MEIS1: variants seen among roughly 807,000 people sequenced by gnomAD.
MEIS1 encodes Meis homeobox 1.
MEIS1 carries 5 observed loss-of-function variants against 50.8 expected under a neutral mutation model. The ratio of observed to expected loss-of-function variants is 0.10; its 90% CI spans 0.05 to 0.21. The LOEUF (loss-of-function observed/expected upper bound fraction) is 0.21, where lower values mean the gene tolerates loss of function less well. MEIS1 is among the 10% of genes least tolerant of loss of function. The pLI is 1.00. For synonymous variants in MEIS1, 176 were observed against 179.3 expected (o/e 0.98, Z 0.15); for missense variants, 318 against 517.3 (o/e 0.61, Z 3.74).
chr2:66,461,660 C>A, intron 6 of MEIS1: 1 of 309,936 alleles, frequency 3.2e-6, no homozygotes, highest in Non-Finnish European at 6.6e-6. Context: ...ATATAGGTTG[C>A]ACAAAATTTG....
rs768651106 is a variant in MEIS1 at position 66,571,712 on chromosome 2, T to C, written c.*504T>C. 5.6e-5 allele frequency: 35 copies of C among 621,442 alleles called. No homozygotes were observed. The highest frequency in any genetic ancestry group is 9.1e-5 in the Non-Finnish European group (33 of 360,848). The allele number at this position is 621,442 out of a possible 1,614,324, so 38.5% of individuals were successfully genotyped here. Reference sequence around the variant, plus strand: ...CAATTTGGGGGACATGCTAAATAACTATATAAGACATTAAGAGAACAAAGA... The same window carrying C: ...CAATTTGGGGGACATGCTAAATAACCATATAAGACATTAAGAGAACAAAGA... On this transcript the variant is annotated 3_prime_UTR_variant, in exon 13 of 13. Transcript: ENST00000272369.
chr2:66,479,975 G>A (rs1672980112), intron 7 of MEIS1, among the ~76,000 whole-genome samples: 1 of 152,184 alleles, frequency 6.6e-6, no homozygotes, highest in Non-Finnish European at 1.5e-5. Flanking sequence ...GCATAGTGTA[G>A]TGATGGCTGA....
chr2:66,440,013 A>G, intron 3 of MEIS1, 29 bp downstream of exon 3: 1 of 1,572,648 alleles, frequency 6.4e-7, no homozygotes, highest in Non-Finnish European at 8.6e-7. Flanking sequence ...AAAAAGTAAA[A>G]GAAACAAAAA....
chr2:66,475,220 A>G (rs1188766557), intron 7 of MEIS1, among the ~76,000 whole-genome samples: 1 of 118,792 alleles, frequency 8.4e-6, no homozygotes, highest in Non-Finnish European at 1.6e-5. Flanking sequence ...ATAAATATGT[A>G]TATTTATAAA....
At chr2:66,528,796 T>C (rs1465290592) in intron 8 of MEIS1, among the ~76,000 whole-genome samples, 1 of 152,194 alleles carries the variant, frequency 6.6e-6, no homozygotes, top group Non-Finnish European at 1.5e-5. Flanking sequence ...CTTAAAATCC[T>C]TTGATATCTC....
At chr2:66,555,263 T>TCC (rs1254138441) in intron 9 of MEIS1, among the ~76,000 whole-genome samples, 14 of 27,522 alleles carry the variant, frequency 5.1e-4, no homozygotes. Context: ...GTTCTCTCTC[T>TCC]CTCTCTCTCT....
chr2:66,452,945 G>A (rs1360192508), intron 6 of MEIS1, among the ~76,000 whole-genome samples: 1 of 151,936 alleles, frequency 6.6e-6, no homozygotes, highest in Non-Finnish European at 1.5e-5. Context: ...TGTATTGCTA[G>A]TGTTCAATTT....
chr2:66,542,789 G>A (rs1174398863), intron 8 of MEIS1, among the ~76,000 whole-genome samples: 2 of 152,108 alleles, frequency 1.3e-5, no homozygotes, highest in Non-Finnish European at 2.9e-5. Context: ...GGATGTTATT[G>A]AAACTTGGTT....
At chr2:66,550,390 G>A (rs1300711885) in intron 9 of MEIS1, among the ~76,000 whole-genome samples, 1 of 152,128 alleles carries the variant, frequency 6.6e-6, no homozygotes, top group African/African-American at 2.4e-5. Flanking sequence ...TTTTTCTTTA[G>A]TTTGACAAAT....
intron 6 of MEIS1, among the ~76,000 whole-genome samples, chr2:66,451,070 A>G (rs977608514): frequency 2.0e-5 from 3 of 152,080 alleles, no homozygotes; most frequent in African/African-American, 7.2e-5. Flanking sequence ...TACTCACTTC[A>G]AAACAGGAAT....
At chr2:66,461,899 T>C in intron 6 of MEIS1, 1 of 470,642 alleles carries the variant, frequency 2.1e-6, no homozygotes, top group Non-Finnish European at 4.4e-6. Context: ...TAGGCACAGA[T>C]CACAAACACT....
chr2:66,517,189 G>A (rs1427100254), intron 8 of MEIS1, among the ~76,000 whole-genome samples: 1 of 152,128 alleles, frequency 6.6e-6, no homozygotes, highest in East Asian at 1.9e-4. Flanking sequence ...GGTGGGGAAG[G>A]ACAACTATAT....
intron 9 of MEIS1, among the ~76,000 whole-genome samples, chr2:66,564,813 G>C (rs1476765126): frequency 6.6e-6 from 1 of 151,724 alleles, no homozygotes; most frequent in African/African-American, 2.4e-5. Flanking sequence ...ATGTTGGTGT[G>C]CTGCCCCCAT....
chr2:66,542,305 A>T (rs150224785), intron 8 of MEIS1, among the ~76,000 whole-genome samples: 19 of 152,012 alleles, frequency 1.2e-4, no homozygotes, highest in African/African-American at 4.6e-4. Flanking sequence ...CTTTAAAGGG[A>T]GTATCTCCCC....
At chr2:66,548,259 T>C (rs915703602) in intron 9 of MEIS1, among the ~76,000 whole-genome samples, 2 of 152,250 alleles carry the variant, frequency 1.3e-5, no homozygotes, top group Non-Finnish European at 2.9e-5. Context: ...AGTATAAGTA[T>C]GTGTGTAATT....
At chr2:66,447,565 C>T (rs185720215) in intron 6 of MEIS1, among the ~76,000 whole-genome samples, 1 of 152,238 alleles carries the variant, frequency 6.6e-6, no homozygotes, top group East Asian at 1.9e-4. Context: ...TTACATAGCA[C>T]CCTTTGAATT....
intron 7 of MEIS1, among the ~76,000 whole-genome samples, chr2:66,491,064 A>G (rs528900263): frequency 2.7e-5 from 4 of 149,712 alleles, no homozygotes; most frequent in Non-Finnish European, 5.9e-5. Flanking sequence ...GGAGAAATGT[A>G]TTAAGGAAGC....
intron 9 of MEIS1, among the ~76,000 whole-genome samples, chr2:66,558,098 A>G (rs987976451): frequency 4.6e-4 from 70 of 151,924 alleles, no homozygotes; most frequent in African/African-American, 1.6e-3. Flanking sequence ...TGATGAACAT[A>G]GAAAAACCCC....
intron 7 of MEIS1, among the ~76,000 whole-genome samples, chr2:66,492,134 G>A (rs144091574): frequency 8.7e-5 from 13 of 150,206 alleles, no homozygotes; most frequent in African/African-American, 3.2e-4. Flanking sequence ...CTAGTGGAGG[G>A]GGGCTAGAGG....
Sources: gnomAD v4.1 joint callset for allele counts (sites outside exome capture counted in the v4.1 genomes callset) on GRCh38, gnomAD v4.1.1 for gene constraint, MANE v1.5 for transcripts, NCBI Gene and HGNC (gene_info 2026-07-23, HGNC 2026-07-21) for gene names.